Variants in TAFA2 observed in about 807,000 individuals in gnomAD.
The protein encoded by TAFA2 is chemokine-like protein TAFA-2.
Under a neutral mutation model 18.8 loss-of-function variants are expected in TAFA2, and 7 were observed. The observed-to-expected ratio is 0.37, with a 90% CI of 0.21 to 0.70. The LOEUF (loss-of-function observed/expected upper bound fraction) is 0.70. Among genes scored for constraint, TAFA2 ranks in the 30% least tolerant of loss-of-function variants. The pLI, the probability that TAFA2 is intolerant of heterozygous loss-of-function variation, is 0.53. For missense variants in TAFA2, 122 were observed against 158.1 expected, an observed-to-expected ratio of 0.77 and a Z score of 1.23; for synonymous variants, 60 against 54.2, an observed-to-expected ratio of 1.11 and a Z score of -0.47.
chr12:61,796,462 A>T (rs1871194002), intron 2 of TAFA2, among the ~76,000 whole-genome samples: 2 of 152,260 alleles, frequency 1.3e-5, no homozygotes, highest in African/African-American at 2.4e-5. Flanking sequence ...AAATTCTTTT[A>T]AAAAATGCAA....
chr12:61,790,738 T>C (rs1170915730), intron 2 of TAFA2, among the ~76,000 whole-genome samples: 1 of 151,850 alleles, frequency 6.6e-6, no homozygotes, highest in Non-Finnish European at 1.5e-5. Flanking sequence ...CTGATAGACA[T>C]TTCTTGTTCA....
At chr12:62,237,005 GT>G (rs2062840803) in intron 1 of TAFA2, among the ~76,000 whole-genome samples, 1 of 152,142 alleles carries the variant, frequency 6.6e-6, no homozygotes. Flanking sequence ...GGTTTGGAAA[GT>G]TTTTGGTTAT....
intron 1 of TAFA2, among the ~76,000 whole-genome samples, chr12:62,201,700 G>A (rs2062671837): frequency 6.6e-6 from 1 of 152,002 alleles, no homozygotes; most frequent in Admixed American, 6.6e-5. Flanking sequence ...TGTTGTTGTT[G>A]TTGCTGTTGC....
chr12:62,184,502 C>CTTTTTTTTTTTTTTTTT (rs10526118), intron 1 of TAFA2, among the ~76,000 whole-genome samples: 7 of 106,166 alleles, frequency 6.6e-5, no homozygotes, highest in Non-Finnish European at 7.1e-5. Flanking sequence ...AAAAAAAATT[C>CTTTTTTTTTTTTTTTTT]TTTTTTTTTT....
chr12:62,229,630 T>C (rs78764057), intron 1 of TAFA2, among the ~76,000 whole-genome samples: 1,648 of 152,254 alleles, frequency 0.011, 26 homozygotes, highest in African/African-American at 0.033. Flanking sequence ...TTGTTCAGGA[T>C]TTCTACATCT....
chr12:61,899,767 T>G (rs1241779017), intron 1 of TAFA2, among the ~76,000 whole-genome samples: 1 of 152,230 alleles, frequency 6.6e-6, no homozygotes, highest in African/African-American at 2.4e-5. Context: ...TCACCTGTAC[T>G]GAAAATGTAT....
intron 1 of TAFA2, among the ~76,000 whole-genome samples, chr12:62,092,608 G>T (rs1303303583): frequency 1.3e-5 from 2 of 152,010 alleles, no homozygotes; most frequent in South Asian, 2.1e-4. Flanking sequence ...CTCCTTTACT[G>T]GTTCCTGCTC....
intron 1 of TAFA2, among the ~76,000 whole-genome samples, chr12:62,251,008 T>C (rs1262992350): frequency 7.5e-6 from 1 of 133,080 alleles, no homozygotes; most frequent in Non-Finnish European, 1.8e-5. Flanking sequence ...AATATGCGTA[T>C]ATTGTTGTAT....
intron 1 of TAFA2, among the ~76,000 whole-genome samples, chr12:62,074,370 C>T (rs1031195857): frequency 2.6e-5 from 4 of 152,144 alleles, no homozygotes; most frequent in Admixed American, 6.5e-5. Flanking sequence ...TTAAAGGGAA[C>T]ATTTTTTAAA....
chr12:62,052,039 A>G (rs1019215394), intron 1 of TAFA2, among the ~76,000 whole-genome samples: 29 of 152,206 alleles, frequency 1.9e-4, no homozygotes, highest in African/African-American at 5.8e-4. Flanking sequence ...GCAGTAGGCC[A>G]TAAGTGGCCC....
At chr12:62,200,671 T>C (rs1406107763) in intron 1 of TAFA2, among the ~76,000 whole-genome samples, 5 of 152,242 alleles carry the variant, frequency 3.3e-5, no homozygotes, top group Admixed American at 3.3e-4. Flanking sequence ...TTGTATAGTT[T>C]GAAGTCAGGT....
At chr12:61,907,971 T>A (rs754531720) in intron 1 of TAFA2, among the ~76,000 whole-genome samples, 5 of 152,222 alleles carry the variant, frequency 3.3e-5, no homozygotes, top group Non-Finnish European at 7.3e-5. Flanking sequence ...TATTACCCAA[T>A]GTCTGTACCC....
intron 1 of TAFA2, among the ~76,000 whole-genome samples, chr12:62,166,695 C>G (rs2062442784): frequency 6.6e-6 from 1 of 152,118 alleles, no homozygotes; most frequent in African/African-American, 2.4e-5. Flanking sequence ...AAACAAGAAG[C>G]ATGAAGAATG....
intron 1 of TAFA2, chr12:62,140,011 G>A (rs951107579): frequency 7.9e-5 from 12 of 152,062 alleles, no homozygotes; most frequent in African/African-American, 2.7e-4. Context: ...ATTGTTTTTT[G>A]TATTTTTTAA....
At chr12:62,177,135 G>C (rs2062519716) in intron 1 of TAFA2, among the ~76,000 whole-genome samples, 2 of 152,240 alleles carry the variant, frequency 1.3e-5, no homozygotes, top group Non-Finnish European at 2.9e-5. Context: ...AAGACAACAG[G>C]GGGGAAACCT....
intron 1 of TAFA2, among the ~76,000 whole-genome samples, chr12:61,890,027 T>C (rs116829753): frequency 0.012 from 1,853 of 152,328 alleles, 44 homozygotes; most frequent in African/African-American, 0.042. Flanking sequence ...ACACCAAAAA[T>C]AGCCTGTGAG....
intron 2 of TAFA2, among the ~76,000 whole-genome samples, chr12:61,820,191 G>C (rs1173897795): frequency 6.6e-6 from 1 of 152,036 alleles, no homozygotes; most frequent in Non-Finnish European, 1.5e-5. Context: ...GTGATGTAGT[G>C]ATGGTGAATC....
At chr12:61,722,462 G>C (rs1869949719) in intron 4 of TAFA2, among the ~76,000 whole-genome samples, 1 of 152,144 alleles carries the variant, frequency 6.6e-6, no homozygotes, top group East Asian at 1.9e-4. Flanking sequence ...AGCCAACACA[G>C]TTGTGAAGTG....
intron 1 of TAFA2, chr12:62,258,100 T>C (rs2062949148): frequency 6.6e-6 from 1 of 152,204 alleles, no homozygotes; most frequent in Non-Finnish European, 1.5e-5. Context: ...TCCTTATCTA[T>C]AGACTTGAAA....
Sources: gnomAD v4.1 joint callset for allele counts (sites outside exome capture counted in the v4.1 genomes callset) on GRCh38, gnomAD v4.1.1 for gene constraint, MANE v1.5 for transcripts, NCBI Gene and HGNC (gene_info 2026-07-23, HGNC 2026-07-21) for gene names.